HMGB1: variants seen among roughly 807,000 people sequenced by gnomAD.
The protein encoded by HMGB1 is high mobility group box 1.
For missense variants in HMGB1, 79 were observed against 253.5 expected, an observed-to-expected ratio of 0.31 and a Z score of 4.67; for synonymous variants, 81 against 84.0, an observed-to-expected ratio of 0.96 and a Z score of 0.19.
chr13:30,523,983 A>C (rs576458680), intron 1 of HMGB1, among the ~76,000 whole-genome samples: 1 of 152,176 alleles, frequency 6.6e-6, no homozygotes, highest in Admixed American at 6.5e-5. Context: ...CTGGACACAT[A>C]TACACCATGG....
At chr13:30,548,909 A>G (rs1869290342) in intron 1 of HMGB1, among the ~76,000 whole-genome samples, 1 of 152,200 alleles carries the variant, frequency 6.6e-6, no homozygotes, top group African/African-American at 2.4e-5. Flanking sequence ...GGTCCCTATT[A>G]ACATTGTCCC....
intron 1 of HMGB1, among the ~76,000 whole-genome samples, chr13:30,507,734 T>A (rs997518419): frequency 6.6e-6 from 1 of 152,008 alleles, no homozygotes; most frequent in Admixed American, 6.6e-5. Context: ...AGAGCCAGAG[T>A]TGGAATCCCA....
rs1886113311 is a variant in HMGB1 at position 30,458,674 on chromosome 13, A to G, written c.*2683T>C. 1 of 152,176 alleles carries G rather than the reference A, an allele frequency of 6.6e-6. No homozygotes were observed. The highest frequency in any genetic ancestry group is 1.5e-5 in the Non-Finnish European group (1 of 68,022). The allele number at this position is 152,176 out of a possible 1,614,324, so 9.4% of individuals were successfully genotyped here. On this transcript the variant is annotated 3_prime_UTR_variant, in exon 5 of 5. Coordinates refer to ENST00000341423, the MANE Select transcript of HMGB1 (RefSeq NM_002128.7). ...AGTTAAATCCTACAATGTCTGAGCA[A>G]TGGTTACAATTCCTTAGGTAGTAAG... is the stretch of plus-strand genomic sequence containing the variant.
chr13:30,462,366 C>A, intron 4 of HMGB1, 172 bp downstream of exon 4: 1 of 721,202 alleles, frequency 1.4e-6, no homozygotes, highest in Non-Finnish European at 2.5e-6. Flanking sequence ...ACATTTTAGT[C>A]AAAAAAACCC....
chr13:30,522,350 C>T (rs1238364113), intron 1 of HMGB1, among the ~76,000 whole-genome samples: 4 of 152,096 alleles, frequency 2.6e-5, no homozygotes, highest in African/African-American at 4.8e-5. Context: ...GTGATCCTCC[C>T]ATCTCAGCCT....
At chr13:30,533,866 C>CT (rs398056244) in intron 1 of HMGB1, among the ~76,000 whole-genome samples, 23,104 of 142,686 alleles carry the variant, frequency 0.16, 1,920 homozygotes, top group Middle Eastern at 0.28. Flanking sequence ...TAAAGACTAT[C>CT]TTTTTTTTTT....
At chr13:30,494,367 CTT>C (rs549003076) in intron 1 of HMGB1, among the ~76,000 whole-genome samples, 1 of 147,352 alleles carries the variant, frequency 6.8e-6, no homozygotes. Flanking sequence ...ATTTTAACCA[CTT>C]TTTTTTTTTG....
intron 1 of HMGB1, among the ~76,000 whole-genome samples, chr13:30,543,955 C>T (rs1403960895): frequency 6.6e-6 from 1 of 152,194 alleles, no homozygotes; most frequent in African/African-American, 2.4e-5. Context: ...AGCAACTCTG[C>T]TTATATTGTC....
At chr13:30,515,937 C>T (rs1451566327) in intron 1 of HMGB1, among the ~76,000 whole-genome samples, 1 of 152,066 alleles carries the variant, frequency 6.6e-6, no homozygotes, top group African/African-American at 2.4e-5. Flanking sequence ...AACCTACTTC[C>T]GAGGTCCTTA....
In HMGB1 at chr13:30,528,676, T is replaced by C. The variant is rs868717450; in HGVS notation, c.-14-64982A>G. Among the ~76,000 whole-genome samples the C allele has an allele frequency of 5.9e-5, 9 of 152,298 alleles. No homozygotes were observed. In the South Asian group the frequency reaches 1.5e-3, roughly 25 times the overall value. On this transcript the variant is annotated intron_variant, in intron 1 of 4. Coordinates refer to the HMGB1 transcript ENST00000405805. ...TGATAAGTTAAAAACGGAGAACTACTGGGATGTGGAAGCTGCGAAAGAATC... is the reference window on the plus strand; with the variant it reads ...TGATAAGTTAAAAACGGAGAACTACCGGGATGTGGAAGCTGCGAAAGAATC...
intron 1 of HMGB1, among the ~76,000 whole-genome samples, chr13:30,564,063 T>C (rs559569151): frequency 6.6e-6 from 1 of 152,166 alleles, no homozygotes; most frequent in Non-Finnish European, 1.5e-5. Context: ...TTCATATTTT[T>C]TTGGAATCAA....
chr13:30,520,428 T>G (rs1407161836), intron 1 of HMGB1, among the ~76,000 whole-genome samples: 1 of 152,112 alleles, frequency 6.6e-6, no homozygotes, highest in Non-Finnish European at 1.5e-5. Context: ...GGGACCAGCC[T>G]GGCCAACATG....
At chr13:30,481,840 T>C (rs751333846) in intron 1 of HMGB1, among the ~76,000 whole-genome samples, 6 of 151,918 alleles carry the variant, frequency 3.9e-5, no homozygotes, top group African/African-American at 9.7e-5. Flanking sequence ...CTTAAGTCTT[T>C]CTTTTTTTTT....
chr13:30,525,363 C>T (rs9506324), intron 1 of HMGB1, among the ~76,000 whole-genome samples: 115,560 of 152,044 alleles, frequency 0.76, 45,029 homozygotes, highest in Non-Finnish European at 0.84. Context: ...TGTTCTTTGG[C>T]GTACTCCCAA....
upstream of HMGB1, chr13:30,465,977 C>CA: frequency 1.0e-6 from 1 of 985,882 alleles, no homozygotes; most frequent in Non-Finnish European, 1.2e-6. Context: ...ACCGCCAACT[C>CA]ACGGGGCTCG....
At chr13:30,484,731 G>T (rs953905969) in intron 1 of HMGB1, among the ~76,000 whole-genome samples, 3 of 151,682 alleles carry the variant, frequency 2.0e-5, no homozygotes, top group African/African-American at 7.3e-5. Context: ...AAGAGAGAGA[G>T]AGAAAAGAAG....
At position 30,458,329 on chromosome 13, in the gene HMGB1, G is replaced by A. The variant is rs901675611; in HGVS notation, c.*3028C>T. On this transcript the variant is annotated 3_prime_UTR_variant, in exon 5 of 5. Transcript: ENST00000341423. ...CATTCAAAAACCAGTTGTCTCTCCT[G>A]TGTTTTTTTTTTTTTTTTGAGATGG... 5.8e-5 allele frequency: 2 copies of A among 34,322 alleles called. No individual in the cohort carries two copies. The highest frequency in any genetic ancestry group is 5.1e-4 in the Admixed American group (1 of 1,968). The allele number at this position is 34,322 out of a possible 1,614,324, so 2.1% of individuals were successfully genotyped here.
At chr13:30,594,499 G>A (rs1259786761) in intron 1 of HMGB1, among the ~76,000 whole-genome samples, 3 of 152,102 alleles carry the variant, frequency 2.0e-5, no homozygotes, top group African/African-American at 2.4e-5. Context: ...CTTGTTCTGC[G>A]TTAGTTCCGT....
chr13:30,575,301 G>C (rs1264738029), intron 1 of HMGB1, among the ~76,000 whole-genome samples: 1 of 152,158 alleles, frequency 6.6e-6, no homozygotes, highest in Non-Finnish European at 1.5e-5. Flanking sequence ...CATATTTTCA[G>C]TAAGTACTGA....
Sources: gnomAD v4.1 joint callset for allele counts (sites outside exome capture counted in the v4.1 genomes callset) on GRCh38, gnomAD v4.1.1 for gene constraint, MANE v1.5 for transcripts, NCBI Gene and HGNC (gene_info 2026-07-23, HGNC 2026-07-21) for gene names.